Variants in FIS1 observed in about 807,000 individuals in gnomAD.
FIS1 encodes the protein fission, mitochondrial 1.
Under a neutral mutation model 21.6 loss-of-function variants are expected in FIS1, and 16 were observed. That is an observed-to-expected ratio of 0.74 (90% CI 0.50 to 1.12). The LOEUF (loss-of-function observed/expected upper bound fraction) is 1.12. FIS1 is among the 50% of genes most tolerant of loss of function. The pLI, the probability that FIS1 is intolerant of heterozygous loss-of-function variation, is 0.00. For synonymous variants in FIS1, 92 were observed against 82.2 expected (o/e 1.12, Z -0.65); for missense variants, 198 against 190.9 (o/e 1.04, Z -0.22).
intron 2 of FIS1, 110 bp from the exon 3 acceptor site, chr7:101,241,016 G>GCTTA: frequency 1.9e-6 from 2 of 1,079,876 alleles, no homozygotes; most frequent in Non-Finnish European, 2.8e-6. Flanking sequence ...ATCCTGGGAG[G>GCTTA]GTCACAGTCC....
In FIS1 at chr7:101,239,778, G is replaced by A; in HGVS notation, c.*28C>T. ...GCGAGGATGGACAGGCCCTCCTGGAGCGTTCTCCGTGGGCTCCCGCGTCTC... is the reference window on the plus strand; with the variant it reads ...GCGAGGATGGACAGGCCCTCCTGGAACGTTCTCCGTGGGCTCCCGCGTCTC... On this transcript the variant is annotated 3_prime_UTR_variant, in exon 5 of 5. Transcript: ENST00000223136. 6.4e-7 allele frequency: 1 copy of A among 1,555,958 alleles called. No homozygotes were observed. Among genetic ancestry groups the A allele is most frequent in the Non-Finnish European group, 8.7e-7 (1 of 1,144,792 alleles).
chr7:101,243,075 G>C (rs1798769784), intron 2 of FIS1, among the ~76,000 whole-genome samples: 2 of 152,134 alleles, frequency 1.3e-5, no homozygotes, highest in South Asian at 4.1e-4. Context: ...TTTATATACG[G>C]GACTTGGGTG....
Position 101,239,987 on chromosome 7 carries a change from A to G in FIS1, c.362-84T>C. On this transcript the variant is annotated intron_variant, in intron 4 of 4. Transcript: ENST00000223136. ...CCTTCCGCCAGCCCTGCCCCTCAAC[A>G]GAGGCACACCCCTACCTGGAGTCGC... is the stretch of plus-strand genomic sequence containing the variant. 2.1e-6 allele frequency: 3 copies of G among 1,437,548 alleles called. No individual in the cohort carries two copies. In the South Asian group the frequency reaches 3.7e-5, roughly 18 times the overall value. The allele number at this position is 1,437,548 out of a possible 1,614,324, so 89.0% of individuals were successfully genotyped here.
Position 101,239,770 on chromosome 7 carries a change from C to T in FIS1, c.*36G>A. ...AAAGGACAGCGAGGATGGACAGGCC[C>T]TCCTGGAGCGTTCTCCGTGGGCTCC... On this transcript the variant is annotated 3_prime_UTR_variant, in exon 5 of 5. Coordinates refer to ENST00000223136, the MANE Select transcript of FIS1 (RefSeq NM_016068.3). 2.0e-6 allele frequency: 3 copies of T among 1,510,066 alleles called. No homozygotes were observed. The highest frequency in any genetic ancestry group is 2.7e-6 in the Non-Finnish European group (3 of 1,105,950). The allele number at this position is 1,510,066 out of a possible 1,614,324, so 93.5% of individuals were successfully genotyped here.
chr7:101,244,931 C>T, intron 1 of FIS1, 29 bp downstream of exon 1: 1 of 1,613,902 alleles, frequency 6.2e-7, no homozygotes, highest in Non-Finnish European at 8.5e-7. Flanking sequence ...TCCGACCTTC[C>T]CTTTCCCTCT....
Position 101,240,910 on chromosome 7 carries a change from G to A in FIS1, c.179-4C>T. 6.2e-7 allele frequency: 1 copy of A among 1,614,060 alleles called. No homozygotes were observed. Among genetic ancestry groups the A allele is most frequent in the African/African-American group, 1.3e-5 (1 of 75,038 alleles). On this transcript the variant is annotated splice_polypyrimidine_tract_variant and splice_region_variant and intron_variant, in intron 2 of 4. Transcript: ENST00000223136. The stretch of plus-strand genomic sequence containing the variant: ...TTGCTCCCTTTGGGCAGCAGCTCTG[G>A]GGAGGGGCAGAGAAGAGGGTGAGAA...
Sources: allele counts gnomAD v4.1 joint callset (sites outside exome capture counted in the v4.1 genomes callset), GRCh38; gene constraint gnomAD v4.1.1; transcripts MANE v1.5; gene names NCBI Gene and HGNC (gene_info 2026-07-23, HGNC 2026-07-21).